The following PCDHA13 variants were observed in gnomAD, a reference collection of about 807,000 sequenced individuals.
The protein encoded by PCDHA13 is protocadherin alpha 13.
PCDHA13 carries 54 observed loss-of-function variants against 64.8 expected under a neutral mutation model. The ratio of observed to expected loss-of-function variants is 0.83; its 90% confidence interval spans 0.67 to 1.04. The LOEUF is 1.04. Among genes scored for constraint, PCDHA13 ranks in the 50% least tolerant of loss-of-function variants. The probability of loss-of-function intolerance (pLI) is 0.00; values close to 1 mark genes in which losing one functional copy is unlikely to be tolerated. For synonymous variants in PCDHA13, 587 were observed against 564.4 expected, an observed-to-expected ratio of 1.04 and a Z score of -0.57; for missense variants, 1,248 against 1,254.3, an observed-to-expected ratio of 0.99 and a Z score of 0.08.
At chr5:140,978,713 A>G (rs2096819329) in intron 1 of PCDHA13, among the ~76,000 whole-genome samples, 1 of 152,272 alleles carries the variant, frequency 6.6e-6, no homozygotes, top group Admixed American at 6.5e-5. Flanking sequence ...GGCCTTTACA[A>G]GATTATTAAA....
chr5:140,921,151 A>AT (rs11299094), intron 1 of PCDHA13, among the ~76,000 whole-genome samples: 2 of 151,512 alleles, frequency 1.3e-5, no homozygotes. Context: ...CAGCTAATGC[A>AT]TTTTTTTTTT....
chr5:140,974,605 G>T (rs2096633635), intron 1 of PCDHA13, among the ~76,000 whole-genome samples: 1 of 152,088 alleles, frequency 6.6e-6, no homozygotes, highest in Non-Finnish European at 1.5e-5. Context: ...TCTGCCTCCA[G>T]GGTTCAAGCG....
At chr5:140,933,659 C>G (rs552302723) in intron 1 of PCDHA13, among the ~76,000 whole-genome samples, 1 of 152,058 alleles carries the variant, frequency 6.6e-6, no homozygotes, top group East Asian at 1.9e-4. Context: ...TCCTGTCTCT[C>G]TCTCTGTCTC....
chr5:140,882,920 G>C lies in PCDHA13; in HGVS notation c.652G>C (p.Gly218Arg), dbSNP rs2059362328. The C allele has an allele frequency of 6.2e-7, 1 of 1,614,090 alleles. No individual in the cohort carries two copies. The stretch of plus-strand genomic sequence containing the variant: ...TTTATTACTGACAGCCAGTGATGGA[G>C]GTAAACCCGAGCTGACTGGCACAGT... The part of the protein sequence containing the change: ...HSLLLTASDG[G>R]KPELTGTVQL... Residue 218 changes from glycine (G) to arginine (R), a missense_variant, in exon 1 of 4, where the codon GGT (glycine) becomes CGT (arginine). Transcript: ENST00000289272.
At chr5:140,965,951 T>C (rs1484541931) in intron 1 of PCDHA13, among the ~76,000 whole-genome samples, 3 of 152,172 alleles carry the variant, frequency 2.0e-5, no homozygotes, top group East Asian at 1.9e-4. Flanking sequence ...GCATTTGCCA[T>C]CCCCCTCCTT....
intron 1 of PCDHA13, among the ~76,000 whole-genome samples, chr5:140,942,058 C>T (rs2093224752): frequency 6.6e-6 from 1 of 152,040 alleles, no homozygotes; most frequent in Non-Finnish European, 1.5e-5. Flanking sequence ...GAAATGTTTG[C>T]TAATTGAGCC....
At chr5:140,988,482 C>T (rs1017365611) in intron 3 of PCDHA13, among the ~76,000 whole-genome samples, 1 of 152,152 alleles carries the variant, frequency 6.6e-6, no homozygotes, top group Non-Finnish European at 1.5e-5. Flanking sequence ...GAATTAGCAT[C>T]CCCTACCTAG....
chr5:140,923,133 G>T (rs1177084353), intron 1 of PCDHA13, among the ~76,000 whole-genome samples: 3 of 152,082 alleles, frequency 2.0e-5, no homozygotes, highest in African/African-American at 7.2e-5. Context: ...ACACTTTGAA[G>T]GTGGAATATA....
At chr5:140,941,197 TTCTTC>T (rs1554213863) in intron 1 of PCDHA13, among the ~76,000 whole-genome samples, 1 of 112,110 alleles carries the variant, frequency 8.9e-6, no homozygotes. Context: ...TTTTTTTTCT[TTCTTC>T]CTTTCTTTCT....
At position 140,923,025 on chromosome 5, in the gene PCDHA13, C is replaced by G. The variant is rs547252764; in HGVS notation, c.2394+38363C>G. ...GGTTGTTGGACTGCAGTTTCGGACTCTATTACTACATGTATAGTATTTAGA... is the reference window on the plus strand; with the variant it reads ...GGTTGTTGGACTGCAGTTTCGGACTGTATTACTACATGTATAGTATTTAGA... On this transcript the variant is annotated intron_variant, in intron 1 of 3. Coordinates refer to ENST00000289272, the MANE Select transcript of PCDHA13 (RefSeq NM_018904.3). 2.6e-5 allele frequency among the ~76,000 whole-genome samples: 4 copies of G among 152,296 alleles called. No homozygotes were observed. The East Asian group carries it at 7.7e-4, about 29-fold the overall frequency.
At chr5:140,937,446 G>A (rs1330877546) in intron 1 of PCDHA13, among the ~76,000 whole-genome samples, 1 of 152,088 alleles carries the variant, frequency 6.6e-6, no homozygotes, top group Non-Finnish European at 1.5e-5. Context: ...TATTTTAAAA[G>A]TTTAATTTTA....
chr5:140,990,232 C>T (rs983376308), intron 3 of PCDHA13, among the ~76,000 whole-genome samples: 4 of 152,054 alleles, frequency 2.6e-5, no homozygotes, highest in Non-Finnish European at 4.4e-5. Flanking sequence ...TTGTAACTAG[C>T]GTTGTATTCC....
Position 140,883,717 on chromosome 5 carries a change from C to A in PCDHA13, c.1449C>A (p.Asp483Glu), listed in dbSNP as rs926863988. The change falls in exon 1 of 4, where the codon GAC becomes GAA. Residue 483 changes from aspartate (D) to glutamate (E), a missense_variant. Physicochemically the swap from Asp to Glu is conservative, Grantham distance 45. Transcript: ENST00000289272. ...HIFTVSAQDA[D>E]AQENALVSYS... is the part of the protein sequence containing the mutation. ...TCACGGTGTCTGCTCAGGACGCGGA[C>A]GCACAGGAGAACGCGCTGGTCTCCT... 1 of 1,613,614 alleles carries A rather than the reference C, an allele frequency of 6.2e-7. No individual in the cohort carries two copies.
At chr5:140,934,901 T>C (rs1270837168) in intron 1 of PCDHA13, among the ~76,000 whole-genome samples, 1 of 152,192 alleles carries the variant, frequency 6.6e-6, no homozygotes, top group African/African-American at 2.4e-5. Flanking sequence ...CCTTTTATTT[T>C]GGAATAATTA....
At chr5:140,909,360 T>C (rs2074454382) in intron 1 of PCDHA13, among the ~76,000 whole-genome samples, 1 of 152,222 alleles carries the variant, frequency 6.6e-6, no homozygotes, top group South Asian at 2.1e-4. Flanking sequence ...ATGTGTTAAT[T>C]TGTTCAAGCA....
At chr5:141,009,450 A>G (rs1272306412) in intron 3 of PCDHA13, among the ~76,000 whole-genome samples, 177 bp from the exon 4 acceptor site, 1 of 152,250 alleles carries the variant, frequency 6.6e-6, no homozygotes, top group Non-Finnish European at 1.5e-5. Context: ...TCTCAAAAAA[A>G]TTAAACAAAT....
At chr5:140,996,389 A>G (rs543903221) in intron 3 of PCDHA13, among the ~76,000 whole-genome samples, 3 of 152,328 alleles carry the variant, frequency 2.0e-5, no homozygotes, top group Admixed American at 1.3e-4. Context: ...ATAATGCCTC[A>G]TAGAGTTTCA....
chr5:140,975,623 A>G (rs2096675265), intron 1 of PCDHA13, among the ~76,000 whole-genome samples: 1 of 152,244 alleles, frequency 6.6e-6, no homozygotes, highest in Admixed American at 6.5e-5. Flanking sequence ...ATGGATTTCC[A>G]TGGTACGAAG....
rs1210767626 is a variant in PCDHA13 at position 141,010,197 on chromosome 5, C to T, written c.*260C>T. 1 of 1,552,200 alleles carries T rather than the reference C, an allele frequency of 6.4e-7. No homozygotes were observed. The highest frequency in any genetic ancestry group is 1.2e-5 in the South Asian group (1 of 84,134). On this transcript the variant is annotated 3_prime_UTR_variant, in exon 4 of 4. Coordinates refer to ENST00000289272, the MANE Select transcript of PCDHA13 (RefSeq NM_018904.3). ...AAAAGCAGACCCAAGTTTCCTTTCT[C>T]CTCCGCCGCAAAGGAGAGGCTTCCC...
Sources: allele counts gnomAD v4.1 joint callset (sites outside exome capture counted in the v4.1 genomes callset), GRCh38; gene constraint gnomAD v4.1.1; transcripts MANE v1.5; gene names NCBI Gene and HGNC (gene_info 2026-07-23, HGNC 2026-07-21).